ARHGAP26: variants seen among roughly 807,000 people sequenced by gnomAD.
The protein encoded by ARHGAP26 is rho GTPase-activating protein 26.
Under a neutral mutation model 104.8 loss-of-function variants are expected in ARHGAP26, and 38 were observed. The ratio of observed to expected loss-of-function variants is 0.36; its 90% CI spans 0.28 to 0.48. The LOEUF (loss-of-function observed/expected upper bound fraction) is 0.48. Ranked by LOEUF, ARHGAP26 falls within the 20% of genes least tolerant of loss-of-function variation. The probability of loss-of-function intolerance (pLI) is 0.99; values close to 1 mark genes in which losing one functional copy is unlikely to be tolerated. For missense variants in ARHGAP26, 704 were observed against 947.9 expected, an observed-to-expected ratio of 0.74 and a Z score of 3.38; for synonymous variants, 341 against 340.0, an observed-to-expected ratio of 1.00 and a Z score of -0.03.
chr5:143,105,248 A>G (rs1793824184), intron 17 of ARHGAP26, among the ~76,000 whole-genome samples: 1 of 152,058 alleles, frequency 6.6e-6, no homozygotes, highest in Middle Eastern at 3.4e-3. Context: ...ATGGTGGCAC[A>G]TGATTGTAAT....
intron 20 of ARHGAP26, among the ~76,000 whole-genome samples, chr5:143,183,665 C>T (rs963925730): frequency 6.6e-6 from 1 of 152,194 alleles, no homozygotes; most frequent in African/African-American, 2.4e-5. Context: ...GGAAATTCCC[C>T]CGGGGCCTCC....
chr5:142,846,164 C>T (rs548347109), intron 1 of ARHGAP26, among the ~76,000 whole-genome samples: 1 of 152,312 alleles, frequency 6.6e-6, no homozygotes, highest in East Asian at 1.9e-4. Flanking sequence ...ATAGCTGACT[C>T]ATGTTGAGTT....
intron 14 of ARHGAP26, among the ~76,000 whole-genome samples, chr5:143,050,224 C>T (rs1784809593): frequency 6.6e-6 from 1 of 152,166 alleles, no homozygotes; most frequent in African/African-American, 2.4e-5. Context: ...TGACTGAGAG[C>T]CTAATTTTCT....
chr5:143,214,336 A>G, intron 22 of ARHGAP26, among the ~76,000 whole-genome samples: 1 of 152,210 alleles, frequency 6.6e-6, no homozygotes, highest in South Asian at 2.1e-4. Context: ...AGTTGTTACC[A>G]CTGTAAATGA....
At chr5:142,914,800 T>C (rs1598216732) in intron 10 of ARHGAP26, among the ~76,000 whole-genome samples, 1 of 152,210 alleles carries the variant, frequency 6.6e-6, no homozygotes, top group Non-Finnish European at 1.5e-5. Context: ...AACCTAAACC[T>C]TGGTGCTTTA....
chr5:142,880,867 T>C (rs1348205361), intron 4 of ARHGAP26, among the ~76,000 whole-genome samples: 3 of 152,182 alleles, frequency 2.0e-5, no homozygotes, highest in Admixed American at 2.0e-4. Context: ...TTCAGAGGGA[T>C]GGTTGATTAC....
At chr5:143,218,815 T>C (rs559922144) in intron 22 of ARHGAP26, among the ~76,000 whole-genome samples, 2 of 152,342 alleles carry the variant, frequency 1.3e-5, no homozygotes, top group South Asian at 2.1e-4. Flanking sequence ...GTTCAGAGCA[T>C]TGGGCTAGGC....
chr5:142,918,118 A>G (rs980250122), intron 10 of ARHGAP26, among the ~76,000 whole-genome samples: 18 of 151,984 alleles, frequency 1.2e-4, no homozygotes, highest in African/African-American at 4.3e-4. Context: ...TCAAGGATCC[A>G]TTTTATTTTA....
At chr5:142,894,404 C>G (rs955668913) in intron 6 of ARHGAP26, 56 bp downstream of exon 6, 3 of 1,483,540 alleles carry the variant, frequency 2.0e-6, no homozygotes, top group Non-Finnish European at 2.8e-6. Context: ...CTCATTCTAA[C>G]TAGTAGTAGA....
rs540316429 is a variant in ARHGAP26 at position 143,025,544 on chromosome 5, C to A, written c.1144+11428C>A. Among the ~76,000 whole-genome samples the A allele has an allele frequency of 7.9e-5, 12 of 152,270 alleles. No homozygotes were observed. In the South Asian group the frequency reaches 2.5e-3, roughly 32 times the overall value. ...CCTTAAGGCAGAAGGGAATTGAGGC[C>A]ACTGTGTAATTCATTCTCAGAATGT... On this transcript the variant is annotated intron_variant, in intron 12 of 22. Coordinates refer to ENST00000645722, the MANE Select transcript of ARHGAP26 (RefSeq NM_001135608.3).
chr5:142,991,516 G>A (rs1042218001), intron 11 of ARHGAP26, among the ~76,000 whole-genome samples: 19 of 152,094 alleles, frequency 1.2e-4, no homozygotes, highest in Non-Finnish European at 2.2e-4. Context: ...TGGAAATGCC[G>A]AAATCACCTG....
chr5:142,875,397 A>G (rs972916434), intron 3 of ARHGAP26, among the ~76,000 whole-genome samples: 2 of 152,166 alleles, frequency 1.3e-5, no homozygotes, highest in African/African-American at 4.8e-5. Context: ...CCTTCTGAAG[A>G]TTCATTTTAA....
At chr5:143,147,070 T>TG (rs933621630) in intron 19 of ARHGAP26, among the ~76,000 whole-genome samples, 161 bp from the exon 20 acceptor site, 1 of 152,180 alleles carries the variant, frequency 6.6e-6, no homozygotes, top group Non-Finnish European at 1.5e-5. Context: ...GACTCTTCCT[T>TG]TCCCACTTTT....
At chr5:142,854,106 C>T (rs1224477527) in intron 1 of ARHGAP26, among the ~76,000 whole-genome samples, 1 of 152,160 alleles carries the variant, frequency 6.6e-6, no homozygotes, top group East Asian at 1.9e-4. Flanking sequence ...GCTTGTCACA[C>T]AAAAAACTGC....
At chr5:143,183,073 CAAAAAAA>C (rs70991799) in intron 20 of ARHGAP26, among the ~76,000 whole-genome samples, 1 of 89,962 alleles carries the variant, frequency 1.1e-5, no homozygotes. Context: ...TGAAAAGTGG[CAAAAAAA>C]AAAAAAAAAA....
At chr5:142,990,340 T>G (rs146981622) in intron 11 of ARHGAP26, among the ~76,000 whole-genome samples, 1 of 152,230 alleles carries the variant, frequency 6.6e-6, no homozygotes, top group Non-Finnish European at 1.5e-5. Flanking sequence ...CAGTTTATTC[T>G]AGTTAGCTAT....
At chr5:143,050,529 T>C (rs959954616) in intron 14 of ARHGAP26, among the ~76,000 whole-genome samples, 1 of 152,244 alleles carries the variant, frequency 6.6e-6, no homozygotes, top group African/African-American at 2.4e-5. Context: ...ATTTCTTTTT[T>C]TATGCCCCTT....
At chr5:142,990,689 C>G (rs995528972) in intron 11 of ARHGAP26, among the ~76,000 whole-genome samples, 1 of 152,224 alleles carries the variant, frequency 6.6e-6, no homozygotes, top group Non-Finnish European at 1.5e-5. Context: ...ACAGTTAGGA[C>G]TCTCAGCTGC....
At chr5:143,138,096 C>T (rs553747454) in intron 19 of ARHGAP26, among the ~76,000 whole-genome samples, 18 of 152,228 alleles carry the variant, frequency 1.2e-4, no homozygotes, top group African/African-American at 2.9e-4. Flanking sequence ...TCCCTGCCTG[C>T]GACTCTCTCT....
Sources: gnomAD v4.1 joint callset for allele counts (sites outside exome capture counted in the v4.1 genomes callset) on GRCh38, gnomAD v4.1.1 for gene constraint, MANE v1.5 for transcripts, NCBI Gene and HGNC (gene_info 2026-07-23, HGNC 2026-07-21) for gene names.